ZFR: variants seen among roughly 807,000 people sequenced by gnomAD.
ZFR encodes the protein zinc finger RNA-binding protein.
Under a neutral mutation model 130.7 loss-of-function variants are expected in ZFR, and 19 were observed. The ratio of observed to expected loss-of-function variants is 0.15; its 90% CI spans 0.10 to 0.21. The LOEUF is 0.21. Ranked by LOEUF, ZFR falls within the 10% of genes least tolerant of loss-of-function variation. The probability of loss-of-function intolerance (pLI) is 1.00; values close to 1 mark genes in which losing one functional copy is unlikely to be tolerated. For synonymous variants in ZFR, 466 were observed against 456.9 expected (o/e 1.02, Z -0.25); for missense variants, 872 against 1,321.5 (o/e 0.66, Z 5.27).
At chr5:32,380,226 G>T in intron 15 of ZFR, 54 bp from the exon 16 acceptor site, 1 of 1,371,674 alleles carries the variant, frequency 7.3e-7, no homozygotes, top group Non-Finnish European at 1.0e-6. Context: ...TTGACCAGGT[G>T]AGCAAGACAC....
intron 11 of ZFR, among the ~76,000 whole-genome samples, chr5:32,393,139 G>A (rs914154414): frequency 3.3e-5 from 5 of 152,268 alleles, no homozygotes; most frequent in Admixed American, 3.3e-4. Flanking sequence ...GCTGCCTTCT[G>A]TTAAAACCAG....
At chr5:32,393,420 C>T (rs908040610) in intron 11 of ZFR, among the ~76,000 whole-genome samples, 11 of 151,590 alleles carry the variant, frequency 7.3e-5, no homozygotes, top group African/African-American at 1.5e-4. Context: ...CTCGCCTCAC[C>T]GCAACCTCCT....
At chr5:32,400,577 A>G (rs10059033) in intron 8 of ZFR, among the ~76,000 whole-genome samples, 145,229 of 152,324 alleles carry the variant, frequency 0.95, 69,294 homozygotes, top group African/African-American at 0.98. Context: ...GTTGGGTGTG[A>G]TGGCTTATGC....
At chr5:32,370,373 G>A (rs1561864116) in intron 17 of ZFR, among the ~76,000 whole-genome samples, 2 of 150,088 alleles carry the variant, frequency 1.3e-5, no homozygotes, top group Non-Finnish European at 3.0e-5. Flanking sequence ...CAGACAGGCA[G>A]GCAGACAGAC....
intron 17 of ZFR, among the ~76,000 whole-genome samples, chr5:32,370,483 T>C (rs1277354205): frequency 6.6e-6 from 1 of 152,036 alleles, no homozygotes; most frequent in East Asian, 1.9e-4. Flanking sequence ...AGTGATTCTC[T>C]GACCTCAGCC....
intron 2 of ZFR, among the ~76,000 whole-genome samples, chr5:32,426,480 C>T (rs1277349455): frequency 6.6e-6 from 1 of 152,122 alleles, no homozygotes; most frequent in Non-Finnish European, 1.5e-5. Flanking sequence ...GCTAACCTCA[C>T]ACTCGATGAC....
intron 17 of ZFR, among the ~76,000 whole-genome samples, chr5:32,375,786 C>A (rs558987566): frequency 2.0e-5 from 3 of 152,074 alleles, no homozygotes; most frequent in Non-Finnish European, 4.4e-5. Flanking sequence ...GGATTACAGG[C>A]ATGAGCCACT....
At chr5:32,439,484 T>C (rs751499644) in intron 2 of ZFR, among the ~76,000 whole-genome samples, 1 of 152,232 alleles carries the variant, frequency 6.6e-6, no homozygotes, top group African/African-American at 2.4e-5. Flanking sequence ...ACCCGAGTTA[T>C]CTCATCCTTT....
chr5:32,415,008 G>T lies in ZFR; in HGVS notation c.745C>A (p.Gln249Lys). 1 of 1,613,986 alleles carries T rather than the reference G, an allele frequency of 6.2e-7. No homozygotes were observed. The highest frequency in any genetic ancestry group is 1.1e-5 in the South Asian group (1 of 91,002). The change falls in exon 5 of 20, where the codon CAG becomes AAG. Residue 249 changes from glutamine (Q) to lysine (K), a missense_variant. This residue lies in a region of ZFR where 240 missense variants were observed against 441.2 expected (regional missense o/e 0.54). Transcript: ENST00000265069. Reference sequence around the variant, plus strand: ...GCTGTGGTACTGTAAGTAGCACTCTGAGTATAGGATGGCACCACAGTAGCC... The same window carrying T: ...GCTGTGGTACTGTAAGTAGCACTCTTAGTATAGGATGGCACCACAGTAGCC... ...AAATVVPSYT[Q>K]SATYSTTAVT...
chr5:32,415,509 T>TGC (rs1753802081), intron 4 of ZFR, among the ~76,000 whole-genome samples: 2 of 93,880 alleles, frequency 2.1e-5, no homozygotes, highest in African/African-American at 1.0e-4. Flanking sequence ...TGTGTGTGTG[T>TGC]GTGTGTGCGC....
intron 17 of ZFR, among the ~76,000 whole-genome samples, chr5:32,375,733 C>A (rs116134293): frequency 6.6e-6 from 1 of 152,262 alleles, no homozygotes; most frequent in African/African-American, 2.4e-5. Context: ...TCTCCAACTC[C>A]GGGACTCAAG....
intron 2 of ZFR, among the ~76,000 whole-genome samples, chr5:32,441,190 T>C (rs557919993): frequency 6.6e-6 from 1 of 152,352 alleles, no homozygotes; most frequent in Admixed American, 6.5e-5. Flanking sequence ...TTGGTCAGGC[T>C]GATCTCATAC....
chr5:32,427,374 C>CA (rs540663022), intron 2 of ZFR, among the ~76,000 whole-genome samples: 4,349 of 65,760 alleles, frequency 0.066, 142 homozygotes, highest in Middle Eastern at 0.096. Context: ...GACTCTGTCT[C>CA]AAAAAAAAAA....
intron 5 of ZFR, 69 bp downstream of exon 5, chr5:32,414,900 A>G (rs1753785352): frequency 7.2e-7 from 1 of 1,383,442 alleles, no homozygotes; most frequent in Non-Finnish European, 1.0e-6. Context: ...TTCAAAGACA[A>G]TCAAGATAGT....
At chr5:32,423,822 A>T (rs1754008669) in intron 2 of ZFR, among the ~76,000 whole-genome samples, 1 of 152,196 alleles carries the variant, frequency 6.6e-6, no homozygotes, top group African/African-American at 2.4e-5. Flanking sequence ...CTGCAACTAA[A>T]TGAAAACTAG....
At chr5:32,444,196 G>A (rs1186622931) in intron 2 of ZFR, 33 bp downstream of exon 2, 1 of 1,589,848 alleles carries the variant, frequency 6.3e-7, no homozygotes, top group Admixed American at 1.7e-5. Flanking sequence ...GGGAGAGCAA[G>A]GGGCGAACAG....
At chr5:32,395,024 A>C in intron 11 of ZFR, 135 bp downstream of exon 11, 2 of 1,250,934 alleles carry the variant, frequency 1.6e-6, no homozygotes, top group Non-Finnish European at 1.1e-6. Flanking sequence ...TCCTAGACCT[A>C]GGATCTTCCT....
intron 2 of ZFR, among the ~76,000 whole-genome samples, chr5:32,442,918 A>C (rs1030196148): frequency 5.9e-5 from 9 of 152,222 alleles, no homozygotes; most frequent in African/African-American, 2.2e-4. Flanking sequence ...AATCAAGAGC[A>C]AAAGAGGCCA....
chr5:32,429,757 C>G (rs189463237), intron 2 of ZFR, among the ~76,000 whole-genome samples: 1 of 152,066 alleles, frequency 6.6e-6, no homozygotes, highest in Non-Finnish European at 1.5e-5. Flanking sequence ...TTCCAACAAA[C>G]AGGAAACCTC....
Sources: gnomAD v4.1 joint callset for allele counts (sites outside exome capture counted in the v4.1 genomes callset) on GRCh38, gnomAD v4.1.1 for gene constraint, gnomAD v4.1.1 regional missense constraint, MANE v1.5 for transcripts, NCBI Gene and HGNC (gene_info 2026-07-23, HGNC 2026-07-21) for gene names.